DPY19L1: variants seen among roughly 807,000 people sequenced by gnomAD.
The protein encoded by DPY19L1 is protein C-mannosyl-transferase DPY19L1.
In DPY19L1, 35 loss-of-function variants were observed where a neutral mutation model predicts 96.9. The ratio of observed to expected loss-of-function variants is 0.36; its 90% CI spans 0.28 to 0.48. The LOEUF (loss-of-function observed/expected upper bound fraction) is 0.48, where lower values mean the gene tolerates loss of function less well. Among genes scored for constraint, DPY19L1 ranks in the 20% least tolerant of loss-of-function variants. The pLI, the probability that DPY19L1 is intolerant of heterozygous loss-of-function variation, is 0.99. For missense variants in DPY19L1, 521 were observed against 777.9 expected (o/e 0.67, Z 3.93); for synonymous variants, 205 against 252.6 (o/e 0.81, Z 1.79).
chr7:34,981,640 G>A (rs1458834118), intron 7 of DPY19L1, among the ~76,000 whole-genome samples: 2 of 152,194 alleles, frequency 1.3e-5, no homozygotes, highest in Non-Finnish European at 2.9e-5. Context: ...CATCATATGT[G>A]CCATATTCTT....
intron 10 of DPY19L1, among the ~76,000 whole-genome samples, chr7:34,961,031 A>G (rs1784490241): frequency 6.6e-6 from 1 of 152,202 alleles, no homozygotes. Context: ...AACTTTATAA[A>G]TACATGAAGT....
At position 34,938,074 on chromosome 7, in the gene DPY19L1, G is replaced by A. The variant is rs765677448; in HGVS notation, c.2010C>T (p.Ala670=). The A allele has an allele frequency of 2.4e-5, 38 of 1,613,562 alleles. No individual in the cohort carries two copies. Among genetic ancestry groups the A allele is most frequent in the African/African-American group, 9.4e-5 (7 of 74,846 alleles). ...IVYSMYSRKA[A]EEVKRELIKL... is the part of the protein sequence containing the mutation. The stretch of plus-strand genomic sequence containing the variant: ...TTATCAGTTCTCGCTTCACTTCTTC[G>A]GCTGCTTTCCGACTATACATTGAGT... Residue 670 remains alanine, a synonymous_variant, in exon 21 of 22, where the codon GCC becomes GCT. Transcript: ENST00000638088.
rs192928130 is a variant in DPY19L1 at position 35,033,279 on chromosome 7, G to A, written c.298+3818C>T. Among the ~76,000 whole-genome samples, 101 of 152,148 alleles carry A rather than the reference G, an allele frequency of 6.6e-4. No homozygotes were observed. In the Middle Eastern group the frequency reaches 0.01, roughly 15 times the overall value. On this transcript the variant is annotated intron_variant, in intron 1 of 21. Transcript: ENST00000638088. ...ACCTTTCCTGACCCTACTTAAAGAG[G>A]GTATTTCCTTTTTTTTCTATCTCAG...
At chr7:35,015,443 T>G (rs1785822992) in intron 3 of DPY19L1, among the ~76,000 whole-genome samples, 1 of 152,146 alleles carries the variant, frequency 6.6e-6, no homozygotes. Context: ...AAAACCAAGA[T>G]GGCAACTAAA....
chr7:34,989,732 G>T, intron 7 of DPY19L1, 152 bp downstream of exon 7: 1 of 618,854 alleles, frequency 1.6e-6, no homozygotes, highest in Non-Finnish European at 2.7e-6. Context: ...AAGTACAATG[G>T]TCATGAAAAG....
At chr7:34,996,480 C>G (rs1302128305) in intron 6 of DPY19L1, among the ~76,000 whole-genome samples, 1 of 152,158 alleles carries the variant, frequency 6.6e-6, no homozygotes, top group Admixed American at 6.5e-5. Context: ...TCACTCTCCT[C>G]TGAACAAATG....
chr7:35,030,744 T>C (rs1052097699), intron 1 of DPY19L1, among the ~76,000 whole-genome samples: 2 of 152,190 alleles, frequency 1.3e-5, no homozygotes, highest in African/African-American at 2.4e-5. Flanking sequence ...ACAATAGTTG[T>C]AGATTTATGT....
intron 8 of DPY19L1, among the ~76,000 whole-genome samples, chr7:34,971,620 A>C (rs1270949408): frequency 1.3e-5 from 2 of 152,238 alleles, no homozygotes; most frequent in Admixed American, 1.3e-4. Context: ...CTCTAAAGAA[A>C]GGAAAGTTCT....
intron 7 of DPY19L1, among the ~76,000 whole-genome samples, chr7:34,978,534 G>A (rs576719829): frequency 6.6e-6 from 1 of 152,092 alleles, no homozygotes; most frequent in South Asian, 2.1e-4. Context: ...GACATGGCTT[G>A]AGTATCTCTT....
chr7:34,981,294 C>G (rs1209434823), intron 7 of DPY19L1, among the ~76,000 whole-genome samples: 1 of 151,988 alleles, frequency 6.6e-6, no homozygotes, highest in East Asian at 1.9e-4. Context: ...AATAAAATGG[C>G]AGGAGAAGGG....
At chr7:35,008,664 A>C (rs2128677489) in intron 6 of DPY19L1, among the ~76,000 whole-genome samples, 1 of 152,304 alleles carries the variant, frequency 6.6e-6, no homozygotes, top group Admixed American at 6.5e-5. Flanking sequence ...GTGAATAGTC[A>C]CTAGACTCCA....
At chr7:35,025,129 G>A (rs1389594100) in intron 1 of DPY19L1, among the ~76,000 whole-genome samples, 1 of 152,128 alleles carries the variant, frequency 6.6e-6, no homozygotes, top group Non-Finnish European at 1.5e-5. Flanking sequence ...GCGAACAAAT[G>A]AAAAGACATT....
rs190562587 is a variant in DPY19L1, at chr7:35,001,832, A to T, written c.764+8636T>A. The stretch of plus-strand genomic sequence containing the variant: ...AAGGTAGAGACCAAAGGATGTTTAA[A>T]AAAACAAGCTAGGCCGGGCACAGTG... On this transcript the variant is annotated intron_variant, in intron 6 of 21. Coordinates refer to ENST00000638088, the MANE Select transcript of DPY19L1 (RefSeq NM_001366673.1). 3.7e-3 allele frequency among the ~76,000 whole-genome samples: 557 copies of T among 152,214 alleles called. 4 individuals are homozygous for T. The highest frequency in any genetic ancestry group is 4.6e-3 in the Non-Finnish European group (310 of 67,996).
At chr7:34,941,009 C>A (rs1381187624) in intron 18 of DPY19L1, among the ~76,000 whole-genome samples, 1 of 151,960 alleles carries the variant, frequency 6.6e-6, no homozygotes, top group Non-Finnish European at 1.5e-5. Context: ...CCAAATAGTC[C>A]ACACTCCATA....
chr7:35,034,137 T>G (rs2128684702), intron 1 of DPY19L1, among the ~76,000 whole-genome samples: 1 of 152,322 alleles, frequency 6.6e-6, no homozygotes, highest in South Asian at 2.1e-4. Flanking sequence ...GTAGTTTTTA[T>G]CATCCACTTT....
chr7:34,983,716 T>C (rs1784989455), intron 7 of DPY19L1, among the ~76,000 whole-genome samples: 1 of 151,570 alleles, frequency 6.6e-6, no homozygotes, highest in Non-Finnish European at 1.5e-5. Context: ...GTCAAAAATC[T>C]GTGAGATAGT....
intron 13 of DPY19L1, among the ~76,000 whole-genome samples, chr7:34,950,317 T>C (rs1246855904): frequency 2.0e-5 from 3 of 152,094 alleles, no homozygotes; most frequent in Admixed American, 6.5e-5. Context: ...GAAAAGGAGA[T>C]TGAAAAGAGT....
At chr7:35,030,452 T>C (rs1786233360) in intron 1 of DPY19L1, among the ~76,000 whole-genome samples, 1 of 152,228 alleles carries the variant, frequency 6.6e-6, no homozygotes, top group Non-Finnish European at 1.5e-5. Context: ...CACGTTTTCA[T>C]GATCAGTACA....
intron 6 of DPY19L1, among the ~76,000 whole-genome samples, chr7:34,992,307 T>G (rs952474861): frequency 6.6e-6 from 1 of 152,218 alleles, no homozygotes; most frequent in African/African-American, 2.4e-5. Flanking sequence ...TCTATTTGAC[T>G]GTTCCCTACT....
Sources: gnomAD v4.1 joint callset for allele counts (sites outside exome capture counted in the v4.1 genomes callset) on GRCh38, gnomAD v4.1.1 for gene constraint, MANE v1.5 for transcripts, NCBI Gene and HGNC (gene_info 2026-07-23, HGNC 2026-07-21) for gene names.